Variants in P2RX3 observed in about 807,000 individuals in gnomAD.
P2RX3 encodes purinergic receptor P2X 3.
Under a neutral mutation model 51.5 loss-of-function variants are expected in P2RX3, and 41 were observed. The ratio of observed to expected loss-of-function variants is 0.80; its 90% CI spans 0.62 to 1.03. The LOEUF (loss-of-function observed/expected upper bound fraction) is 1.03, where lower values mean the gene tolerates loss of function less well. Among genes scored for constraint, P2RX3 ranks in the 50% least tolerant of loss-of-function variants. The pLI is 0.00. For synonymous variants in P2RX3, 185 were observed against 191.6 expected (o/e 0.97, Z 0.29); for missense variants, 459 against 522.1 (o/e 0.88, Z 1.18).
At chr11:57,343,856 C>A (rs1443061713) in intron 1 of P2RX3, among the ~76,000 whole-genome samples, 1 of 152,190 alleles carries the variant, frequency 6.6e-6, no homozygotes, top group Non-Finnish European at 1.5e-5. Flanking sequence ...GCCTAGGCCC[C>A]AGACCTCACT....
chr11:57,354,547 G>A (rs542829438), intron 8 of P2RX3, among the ~76,000 whole-genome samples: 1 of 152,290 alleles, frequency 6.6e-6, no homozygotes, highest in African/African-American at 2.4e-5. Flanking sequence ...CTGTTGGCAA[G>A]GTTTCTGAGG....
At chr11:57,368,509 A>G in intron 10 of P2RX3, 72 bp downstream of exon 10, 1 of 1,550,308 alleles carries the variant, frequency 6.5e-7, no homozygotes, top group Non-Finnish European at 8.9e-7. Context: ...CAGGCAGGGG[A>G]GTGACGGCGG....
intron 8 of P2RX3, among the ~76,000 whole-genome samples, chr11:57,363,617 A>C (rs573561260): frequency 1.3e-5 from 2 of 152,194 alleles, no homozygotes; most frequent in Non-Finnish European, 2.9e-5. Context: ...AAAACTAGTC[A>C]TGGGGCCCCA....
At chr11:57,348,290 G>C in intron 5 of P2RX3, 27 bp downstream of exon 5, 1 of 1,568,324 alleles carries the variant, frequency 6.4e-7, no homozygotes, top group Non-Finnish European at 8.7e-7. Flanking sequence ...GACAGGAGGA[G>C]ACAGGCCCCC....
chr11:57,343,442 G>A (rs572917828), intron 1 of P2RX3, among the ~76,000 whole-genome samples: 24 of 152,330 alleles, frequency 1.6e-4, no homozygotes, highest in Admixed American at 1.4e-3. Context: ...AGAGACCTTC[G>A]AGTGAAGAGG....
rs1365809623 is a variant in P2RX3, at chr11:57,371,424, G to A, written c.*1427G>A. 6.6e-6 allele frequency among the ~76,000 whole-genome samples: 1 copy of A among 152,252 alleles called. No individual in the cohort carries two copies. Among genetic ancestry groups the A allele is most frequent in the African/African-American group, 2.4e-5 (1 of 41,470 alleles). The stretch of plus-strand genomic sequence containing the variant: ...TAAATCTGCATCTGGCAGTCAGAGT[G>A]GGCATGATCATGAGGTCTTAGCTGC... On this transcript the variant is annotated 3_prime_UTR_variant, in exon 12 of 12. Transcript: ENST00000263314.
Position 57,346,625 on chromosome 11 carries a change from C to A in P2RX3, c.201C>A (p.Ser67=). The change falls in exon 2 of 12, where the codon TCC becomes TCA. Residue 67 remains serine, a synonymous_variant. Coordinates refer to ENST00000263314, the MANE Select transcript of P2RX3 (RefSeq NM_002559.5). The part of the protein sequence containing the change: ...ESSVVTKVKG[S]GLYANRVMDV... Reference sequence around the variant, plus strand: ...CGGTGGTAACCAAGGTGAAGGGCTCCGGACTCTACGCCAACAGAGTCATGG... The same window carrying A: ...CGGTGGTAACCAAGGTGAAGGGCTCAGGACTCTACGCCAACAGAGTCATGG... 6.2e-7 allele frequency: 1 copy of A among 1,614,160 alleles called. No homozygotes were observed.
Position 57,347,173 on chromosome 11 carries a change from G to C in P2RX3, c.313G>C (p.Gly105Arg), listed in dbSNP as rs780468885. The change falls in exon 3 of 12, where the codon GGA (glycine) becomes CGA (arginine). Residue 105 changes from glycine (G) to arginine (R), a missense_variant. Gly to Arg is a moderately radical substitution (Grantham distance 125, BLOSUM62 -2). Transcript: ENST00000263314. Reference protein sequence around the residue: ...KMIVTENQMQGFCPESEEKYR... With the variant: ...KMIVTENQMQRFCPESEEKYR... ...GATTGTTACTGAAAATCAGATGCAA[G>C]GATTCTGCCCAGAGGTGAGGGGAGG... 4 of 1,613,582 alleles carry C rather than the reference G, an allele frequency of 2.5e-6. No individual in the cohort carries two copies. The highest frequency in any genetic ancestry group is 2.5e-6 in the Non-Finnish European group (3 of 1,179,756).
rs1423988618 is a variant in P2RX3, at chr11:57,341,770, AG to A, written c.119+3103del. On this transcript the variant is annotated intron_variant, in intron 1 of 11. Coordinates refer to ENST00000263314, the MANE Select transcript of P2RX3 (RefSeq NM_002559.5). Reference sequence around the variant, plus strand: ...CAAACTAGGAGGCCAGGGACTTCCCAGGCCTTTGATGCCCCATTGTGCTGAA... The same window carrying A: ...CAAACTAGGAGGCCAGGGACTTCCCAGCCTTTGATGCCCCATTGTGCTGAA... Among the ~76,000 whole-genome samples the A allele has an allele frequency of 2.6e-5, 4 of 152,238 alleles. No homozygotes were observed. The East Asian group carries it at 7.7e-4, about 29-fold the overall frequency.
chr11:57,369,291 A>G, intron 10 of P2RX3, 70 bp from the exon 11 acceptor site: 1 of 1,384,968 alleles, frequency 7.2e-7, no homozygotes, highest in Non-Finnish European at 1.0e-6. Flanking sequence ...CGAGCCCAGC[A>G]CTTCCTGCCA....
Position 57,369,446 on chromosome 11 carries a change from G to A in P2RX3, c.1080+8G>A. The A allele has an allele frequency of 6.2e-7, 1 of 1,603,506 alleles. No individual in the cohort carries two copies. Among genetic ancestry groups the A allele is most frequent in the Non-Finnish European group, 8.5e-7 (1 of 1,176,278 alleles). On this transcript the variant is annotated splice_region_variant and intron_variant, in intron 11 of 11. Coordinates refer to ENST00000263314, the MANE Select transcript of P2RX3 (RefSeq NM_002559.5). Reference sequence around the variant, plus strand: ...GCCAAGAAGTTTGAGGAGGTGAGTTGGGGAAGGGGCACCCTTGGATAAAAG... The same window carrying A: ...GCCAAGAAGTTTGAGGAGGTGAGTTAGGGAAGGGGCACCCTTGGATAAAAG...
At chr11:57,366,030 A>T (rs1423835314) in intron 8 of P2RX3, among the ~76,000 whole-genome samples, 3 of 152,186 alleles carry the variant, frequency 2.0e-5, no homozygotes, top group Admixed American at 6.5e-5. Context: ...AGAGGGAACA[A>T]TGTGGACCCC....
chr11:57,339,361 C>T (rs1266755788), intron 1 of P2RX3, among the ~76,000 whole-genome samples: 1 of 152,108 alleles, frequency 6.6e-6, no homozygotes, highest in Non-Finnish European at 1.5e-5. Flanking sequence ...CATAGTGCCG[C>T]TCCCTCCCCA....
At chr11:57,348,103 A>T in intron 4 of P2RX3, 67 bp from the exon 5 acceptor site, 1 of 1,366,346 alleles carries the variant, frequency 7.3e-7, no homozygotes, top group Non-Finnish European at 1.0e-6. Flanking sequence ...GGAAGGGAAG[A>T]GGGAGGAAGG....
At chr11:57,348,291 A>G (rs1371814412) in intron 5 of P2RX3, 28 bp downstream of exon 5, 2 of 1,561,046 alleles carry the variant, frequency 1.3e-6, no homozygotes, top group Non-Finnish European at 1.7e-6. Context: ...ACAGGAGGAG[A>G]CAGGCCCCCA....
At chr11:57,353,745 G>A (rs750963096) in intron 8 of P2RX3, among the ~76,000 whole-genome samples, 15 of 151,932 alleles carry the variant, frequency 9.9e-5, no homozygotes, top group South Asian at 2.1e-4. Flanking sequence ...AGATTCGGCC[G>A]TGTTTGAATC....
chr11:57,356,503 G>A (rs1856633501), intron 8 of P2RX3, among the ~76,000 whole-genome samples: 1 of 152,180 alleles, frequency 6.6e-6, no homozygotes, highest in Non-Finnish European at 1.5e-5. Context: ...GATGTTCCTG[G>A]TGCGGTAGGT....
chr11:57,356,986 G>A (rs1387494573), intron 8 of P2RX3, among the ~76,000 whole-genome samples: 1 of 151,974 alleles, frequency 6.6e-6, no homozygotes, highest in Non-Finnish European at 1.5e-5. Context: ...AGAATTAGCA[G>A]GTTCTCTGTG....
intron 8 of P2RX3, among the ~76,000 whole-genome samples, chr11:57,361,699 C>G (rs1412824831): frequency 6.6e-6 from 1 of 152,170 alleles, no homozygotes; most frequent in Non-Finnish European, 1.5e-5. Flanking sequence ...CATTGATGGG[C>G]ATTTGAGTTG....
Sources: allele counts gnomAD v4.1 joint callset (sites outside exome capture counted in the v4.1 genomes callset), GRCh38; gene constraint gnomAD v4.1.1; transcripts MANE v1.5; gene names NCBI Gene and HGNC (gene_info 2026-07-23, HGNC 2026-07-21).